CWC27: variants seen among roughly 807,000 people sequenced by gnomAD.
CWC27 encodes the protein spliceosome-associated protein CWC27 homolog.
In CWC27, 47 loss-of-function variants were observed where a neutral mutation model predicts 63.6. The observed-to-expected ratio is 0.74, with a 90% CI of 0.58 to 0.94. The LOEUF (loss-of-function observed/expected upper bound fraction) is 0.94. Among genes scored for constraint, CWC27 ranks in the 40% least tolerant of loss-of-function variants. The pLI, the probability that CWC27 is intolerant of heterozygous loss-of-function variation, is 0.00. For missense variants in CWC27, 495 were observed against 554.3 expected, an observed-to-expected ratio of 0.89 and a Z score of 1.07; for synonymous variants, 175 against 179.8, an observed-to-expected ratio of 0.97 and a Z score of 0.22.
intron 11 of CWC27, among the ~76,000 whole-genome samples, chr5:64,917,955 T>TACAC (rs531972268): frequency 2.0e-5 from 3 of 150,690 alleles, no homozygotes; most frequent in East Asian, 1.9e-4. Flanking sequence ...CACACAAACA[T>TACAC]ACACACACAC....
chr5:64,941,953 A>G (rs1748491110), intron 11 of CWC27, among the ~76,000 whole-genome samples: 1 of 152,008 alleles, frequency 6.6e-6, no homozygotes, highest in Admixed American at 6.6e-5. Flanking sequence ...TACAAAAATC[A>G]CCAATTATAG....
At chr5:64,834,765 C>T (rs1745618210) in intron 10 of CWC27, among the ~76,000 whole-genome samples, 2 of 151,784 alleles carry the variant, frequency 1.3e-5, no homozygotes, top group South Asian at 4.1e-4. Context: ...CTTATACTAT[C>T]CTGTTTCTTC....
At chr5:64,939,177 G>A (rs962613199) in intron 11 of CWC27, among the ~76,000 whole-genome samples, 2 of 152,150 alleles carry the variant, frequency 1.3e-5, no homozygotes, top group South Asian at 4.1e-4. Context: ...TCCTTTGGAG[G>A]AGAAGAGGTG....
chr5:64,996,937 TTGG>T (rs2112462833), intron 13 of CWC27, among the ~76,000 whole-genome samples: 1 of 152,236 alleles, frequency 6.6e-6, no homozygotes, highest in Non-Finnish European at 1.5e-5. Flanking sequence ...AATGTGATTG[TTGG>T]TGTTGTTGTT....
intron 11 of CWC27, among the ~76,000 whole-genome samples, chr5:64,950,449 C>T (rs1241782191): frequency 1.3e-5 from 2 of 151,812 alleles, no homozygotes; most frequent in Non-Finnish European, 2.9e-5. Context: ...ACGTAAAATA[C>T]TCTACAAGGA....
chr5:64,914,247 A>C (rs1461254259), intron 11 of CWC27, among the ~76,000 whole-genome samples: 1 of 152,190 alleles, frequency 6.6e-6, no homozygotes, highest in Non-Finnish European at 1.5e-5. Flanking sequence ...TATGACCTTC[A>C]TGTAGCGATT....
At chr5:64,950,118 CTT>C (rs372243319) in intron 11 of CWC27, among the ~76,000 whole-genome samples, 2 of 151,990 alleles carry the variant, frequency 1.3e-5, no homozygotes, top group African/African-American at 2.4e-5. Flanking sequence ...AAATTTTAAA[CTT>C]ATAATTAATT....
At chr5:65,017,247 G>T (rs546957416) in intron 13 of CWC27, among the ~76,000 whole-genome samples, 1 of 152,098 alleles carries the variant, frequency 6.6e-6, no homozygotes, top group Admixed American at 6.5e-5. Context: ...CTTGAACCCG[G>T]GAGGTGAAGG....
intron 10 of CWC27, among the ~76,000 whole-genome samples, chr5:64,811,440 A>AT (rs1414847727): frequency 6.6e-6 from 1 of 152,062 alleles, no homozygotes; most frequent in Non-Finnish European, 1.5e-5. Flanking sequence ...ATCATCTATA[A>AT]TTTTATTGTG....
At chr5:65,000,370 G>A (rs971804383) in intron 13 of CWC27, among the ~76,000 whole-genome samples, 5 of 151,716 alleles carry the variant, frequency 3.3e-5, no homozygotes, top group African/African-American at 1.2e-4. Flanking sequence ...TTGTTTCATT[G>A]CCTGAGGTGT....
chr5:64,971,911 C>T, intron 12 of CWC27, 99 bp downstream of exon 12: 1 of 594,490 alleles, frequency 1.7e-6, no homozygotes, highest in Non-Finnish European at 2.8e-6. Flanking sequence ...TCAGGAGAAG[C>T]ACTACCTCTT....
chr5:64,793,782 T>C (rs1041285120), intron 7 of CWC27, among the ~76,000 whole-genome samples: 6 of 152,192 alleles, frequency 3.9e-5, no homozygotes, highest in African/African-American at 7.2e-5. Flanking sequence ...TTTCAGTGAC[T>C]GCACAGTATT....
intron 10 of CWC27, among the ~76,000 whole-genome samples, chr5:64,885,128 A>G (rs1580702106): frequency 6.6e-6 from 1 of 152,160 alleles, no homozygotes; most frequent in South Asian, 2.1e-4. Flanking sequence ...TTGATCCAGT[A>G]TCTCCGTAAA....
In CWC27 at chr5:64,837,331, A is replaced by C. The variant is rs546079331; in HGVS notation, c.938+32945A>C. Among the ~76,000 whole-genome samples, 6 of 152,202 alleles carry C rather than the reference A, an allele frequency of 3.9e-5. No individual in the cohort carries two copies. In the South Asian group the frequency reaches 1.2e-3, roughly 32 times the overall value. Reference sequence around the variant, plus strand: ...TATGTAACTACATTTTTGGTTGTTGAGATTAGGAGTTGAAGATGTTAAGCT... The same window carrying C: ...TATGTAACTACATTTTTGGTTGTTGCGATTAGGAGTTGAAGATGTTAAGCT... On this transcript the variant is annotated intron_variant, in intron 10 of 13. Transcript: ENST00000381070.
Position 64,804,320 on chromosome 5 carries a change from A to G in CWC27, c.872A>G (p.Lys291Arg), listed in dbSNP as rs749944995. The G allele has an allele frequency of 3.7e-6, 6 of 1,613,168 alleles. No homozygotes were observed. Among genetic ancestry groups the G allele is most frequent in the Non-Finnish European group, 5.1e-6 (6 of 1,179,566 alleles). ...GAAAGAATTGCCAAAAAATTAAAAA[A>G]GGACACAAGTGCGAATGTTAAATCA... ...MRERIAKKLK[K>R]DTSANVKSAG... The change falls in exon 10 of 14, where the codon AAG becomes AGG. Residue 291 changes from lysine to arginine, a missense_variant. Coordinates refer to ENST00000381070, the MANE Select transcript of CWC27 (RefSeq NM_005869.4).
chr5:64,925,984 G>A (rs1227551468), intron 11 of CWC27, among the ~76,000 whole-genome samples: 1 of 152,074 alleles, frequency 6.6e-6, no homozygotes, highest in Non-Finnish European at 1.5e-5. Flanking sequence ...AACTACCTTA[G>A]ATCCTATCCA....
At chr5:64,924,956 GACACACACACACACACAC>G (rs36083384) in intron 11 of CWC27, among the ~76,000 whole-genome samples, 1 of 145,466 alleles carries the variant, frequency 6.9e-6, no homozygotes, top group African/African-American at 2.5e-5. Context: ...GTCTTTCTTA[GACACACACACACACACAC>G]ACACACACAC....
At position 64,800,240 on chromosome 5, in the gene CWC27, C is replaced by T; in HGVS notation, c.670-8C>T. ...CCCCCTCATGATTATATTGTACATT[C>T]TTTGCAGAGCATGAAGGGCAAAAGC... On this transcript the variant is annotated splice_region_variant and splice_polypyrimidine_tract_variant and intron_variant, in intron 7 of 13. Coordinates refer to ENST00000381070, the MANE Select transcript of CWC27 (RefSeq NM_005869.4). The T allele has an allele frequency of 1.3e-6, 2 of 1,593,424 alleles. No homozygotes were observed. The highest frequency in any genetic ancestry group is 1.7e-6 in the Non-Finnish European group (2 of 1,162,904).
At chr5:64,915,604 C>G (rs73107258) in intron 11 of CWC27, among the ~76,000 whole-genome samples, 9,801 of 152,094 alleles carry the variant, frequency 0.064, 1,088 homozygotes, top group African/African-American at 0.23. Flanking sequence ...GCATTAGATA[C>G]TTTTATCCTT....
Sources: gnomAD v4.1 joint callset for allele counts (sites outside exome capture counted in the v4.1 genomes callset) on GRCh38, gnomAD v4.1.1 for gene constraint, MANE v1.5 for transcripts, NCBI Gene and HGNC (gene_info 2026-07-23, HGNC 2026-07-21) for gene names.